Variants in TTC3 observed in about 807,000 individuals in gnomAD.
TTC3 encodes the protein tetratricopeptide repeat domain 3.
TTC3 carries 180 observed loss-of-function variants against 249.6 expected under a neutral mutation model. That is an observed-to-expected ratio of 0.72 (90% CI 0.64 to 0.82). TTC3 has a LOEUF of 0.82. Ranked by LOEUF, TTC3 falls within the 40% of genes least tolerant of loss-of-function variation. The probability of loss-of-function intolerance (pLI) is 0.00; values close to 1 mark genes in which losing one functional copy is unlikely to be tolerated. For missense variants in TTC3, 2,061 were observed against 2,398.4 expected, an observed-to-expected ratio of 0.86 and a Z score of 2.94; for synonymous variants, 717 against 805.0, an observed-to-expected ratio of 0.89 and a Z score of 1.85.
chr21:37,096,356 A>G (rs2073942879), intron 9 of TTC3, among the ~76,000 whole-genome samples: 1 of 152,172 alleles, frequency 6.6e-6, no homozygotes, highest in African/African-American at 2.4e-5. Context: ...AGTTATCTTC[A>G]TTTTGAATAT....
exon 33 of TTC3, chr21:37,166,063 T>C (rs762197324): frequency 6.2e-7 from 1 of 1,614,224 alleles, no homozygotes; most frequent in Non-Finnish European, 8.5e-7. Flanking sequence ...AACCAGGCTC[T>C]GAGGATGCAA....
intron 36 of TTC3, 43 bp from the exon 37 acceptor site, chr21:37,185,663 A>T (rs770083709): frequency 3.7e-6 from 5 of 1,353,136 alleles, no homozygotes; most frequent in South Asian, 1.6e-5. Context: ...CCTGTTAAAA[A>T]TTTTTCAAAA....
intron 35 of TTC3, among the ~76,000 whole-genome samples, chr21:37,178,086 T>G (rs2082427570): frequency 2.6e-5 from 4 of 152,236 alleles, no homozygotes; most frequent in Admixed American, 2.6e-4. Flanking sequence ...TATAAGTGTC[T>G]TCTTTCACCT....
At chr21:37,090,138 AG>A in intron 5 of TTC3, 94 bp from the exon 6 acceptor site, 1 of 827,466 alleles carries the variant, frequency 1.2e-6, no homozygotes. Context: ...GAGTACATAT[AG>A]TAGTGTTCCT....
chr21:37,089,966 CAG>C (rs1372248161), intron 5 of TTC3, among the ~76,000 whole-genome samples: 5 of 146,252 alleles, frequency 3.4e-5, no homozygotes, highest in Non-Finnish European at 6.0e-5. Context: ...GCCTGGGTGA[CAG>C]AGTGAGACCC....
intron 1 of TTC3, 62 bp from the exon 2 acceptor site, chr21:37,087,185 A>G (rs1044864782): frequency 1.9e-6 from 3 of 1,569,960 alleles, no homozygotes; most frequent in Non-Finnish European, 2.6e-6. Context: ...GAAGCCAGGA[A>G]AACTTTCTTC....
chr21:37,148,707 C>T, intron 23 of TTC3, 60 bp downstream of exon 23: 1 of 1,096,206 alleles, frequency 9.1e-7, no homozygotes. Flanking sequence ...CAATTTTTCC[C>T]CCAAGAATTC....
intron 23 of TTC3, among the ~76,000 whole-genome samples, chr21:37,148,851 G>A (rs946417077): frequency 2.6e-5 from 4 of 151,992 alleles, no homozygotes; most frequent in Non-Finnish European, 2.9e-5. Flanking sequence ...TTAAAGAGAC[G>A]GATCTCACTG....
At chr21:37,111,424 T>C (rs1792873778) in intron 11 of TTC3, among the ~76,000 whole-genome samples, 2 of 152,080 alleles carry the variant, frequency 1.3e-5, no homozygotes, top group Admixed American at 1.3e-4. Flanking sequence ...TAAAACAGAC[T>C]TTAAACCAAC....
intron 10 of TTC3, among the ~76,000 whole-genome samples, chr21:37,102,382 A>G (rs937008355): frequency 1.3e-5 from 2 of 152,198 alleles, no homozygotes; most frequent in Admixed American, 6.5e-5. Context: ...CATACTTTTT[A>G]TGGTATGGTT....
chr21:37,101,570 G>C (rs1043168317), intron 10 of TTC3, among the ~76,000 whole-genome samples: 2 of 152,174 alleles, frequency 1.3e-5, no homozygotes, highest in African/African-American at 2.4e-5. Flanking sequence ...AGGTACACTC[G>C]CCAGCTCTGA....
chr21:37,127,328 C>G (rs1022136619), intron 15 of TTC3, among the ~76,000 whole-genome samples: 1 of 152,044 alleles, frequency 6.6e-6, no homozygotes, highest in Admixed American at 6.6e-5. Context: ...TAGGCTAAGT[C>G]TCATTTGTTT....
At chr21:37,082,996 C>T (rs1389833540) in intron 1 of TTC3, 1 of 985,300 alleles carries the variant, frequency 1.0e-6, no homozygotes, top group Non-Finnish European at 1.2e-6. Flanking sequence ...AAATGGATTG[C>T]ACAATATATC....
At chr21:37,075,544 T>G (rs1162866027) in intron 1 of TTC3, among the ~76,000 whole-genome samples, 1 of 152,218 alleles carries the variant, frequency 6.6e-6, no homozygotes, top group Non-Finnish European at 1.5e-5. Flanking sequence ...GAGAACACAA[T>G]TTCCTCACAA....
chr21:37,137,289 C>A (rs2078033852), intron 18 of TTC3, among the ~76,000 whole-genome samples: 1 of 152,122 alleles, frequency 6.6e-6, no homozygotes, highest in Admixed American at 6.5e-5. Flanking sequence ...TCTGTTGGAT[C>A]TGGACAAAGT....
Position 37,182,757 on chromosome 21 carries a change from T to C in TTC3, c.4618-17T>C. 3 of 1,565,496 alleles carry C rather than the reference T, an allele frequency of 1.9e-6. No individual in the cohort carries two copies. The highest frequency in any genetic ancestry group is 2.6e-6 in the Non-Finnish European group (3 of 1,160,038). ...TATATTTTGCCATTTATTTAAGTAC[T>C]TTCTAAATGTTTTTAGATCTCAAAG... On this transcript the variant is annotated splice_polypyrimidine_tract_variant and intron_variant, in intron 35 of 45. Coordinates refer to ENST00000355666, the Ensembl canonical transcript of TTC3.
At chr21:37,185,486 G>A (rs556829523) in intron 36 of TTC3, among the ~76,000 whole-genome samples, 2 of 152,198 alleles carry the variant, frequency 1.3e-5, no homozygotes, top group East Asian at 3.9e-4. Flanking sequence ...ATATGACTTA[G>A]AGTGAAGAAA....
intron 9 of TTC3, 129 bp downstream of exon 9, chr21:37,095,573 A>C: frequency 1.6e-6 from 1 of 614,696 alleles, no homozygotes; most frequent in African/African-American, 1.9e-5. Flanking sequence ...AGATTTTCTC[A>C]TCCTTGGGTG....
At chr21:37,101,296 C>T (rs1227724396) in intron 10 of TTC3, 3 of 151,824 alleles carry the variant, frequency 2.0e-5, no homozygotes. Flanking sequence ...CCCTAAATTT[C>T]TGGAAGACTA....
Sources: allele counts gnomAD v4.1 joint callset (sites outside exome capture counted in the v4.1 genomes callset), GRCh38; gene constraint gnomAD v4.1.1; transcripts MANE v1.5; gene names NCBI Gene and HGNC (gene_info 2026-07-23, HGNC 2026-07-21).